Variants in DEPDC1B observed in about 807,000 individuals in gnomAD.
The protein encoded by DEPDC1B is DEP domain containing 1B.
In DEPDC1B, 51 loss-of-function variants were observed where a neutral mutation model predicts 66.5. The ratio of observed to expected loss-of-function variants is 0.77; its 90% CI spans 0.61 to 0.97. The LOEUF (loss-of-function observed/expected upper bound fraction) is 0.97. DEPDC1B is among the 50% of genes least tolerant of loss of function. The pLI is 0.00. For synonymous variants in DEPDC1B, 226 were observed against 223.6 expected (o/e 1.01, Z -0.10); for missense variants, 552 against 637.1 (o/e 0.87, Z 1.44).
chr5:60,606,481 A>G (rs1403148573), intron 7 of DEPDC1B, among the ~76,000 whole-genome samples: 1 of 152,016 alleles, frequency 6.6e-6, no homozygotes, highest in East Asian at 1.9e-4. Context: ...GCTAAAAGTT[A>G]GGATATTCTA....
chr5:60,676,163 C>T (rs970903768), intron 2 of DEPDC1B, among the ~76,000 whole-genome samples: 1 of 151,850 alleles, frequency 6.6e-6, no homozygotes, highest in African/African-American at 2.4e-5. Context: ...ATCTCCTGAC[C>T]TCGTGATCTG....
chr5:60,693,829 G>A (rs1318309154), intron 1 of DEPDC1B, among the ~76,000 whole-genome samples: 1 of 151,512 alleles, frequency 6.6e-6, no homozygotes, highest in Non-Finnish European at 1.5e-5. Flanking sequence ...TTAGATTGTT[G>A]TACCGAAAAG....
At chr5:60,629,499 C>T (rs563240433) in intron 7 of DEPDC1B, among the ~76,000 whole-genome samples, 1 of 152,306 alleles carries the variant, frequency 6.6e-6, no homozygotes, top group Admixed American at 6.5e-5. Flanking sequence ...CATCCAACTC[C>T]ACACTGATCA....
At chr5:60,661,740 G>A (rs1451544976) in intron 2 of DEPDC1B, among the ~76,000 whole-genome samples, 2 of 152,118 alleles carry the variant, frequency 1.3e-5, no homozygotes, top group Non-Finnish European at 2.9e-5. Context: ...GCGATCTCTG[G>A]TATCTCAGTC....
At chr5:60,636,318 C>A (rs1310848198) in intron 7 of DEPDC1B, among the ~76,000 whole-genome samples, 5 of 152,120 alleles carry the variant, frequency 3.3e-5, no homozygotes, top group African/African-American at 9.7e-5. Flanking sequence ...TTTAGATGTC[C>A]TATCTCATGT....
intron 1 of DEPDC1B, among the ~76,000 whole-genome samples, chr5:60,699,819 C>G (rs1754742828): frequency 6.6e-6 from 1 of 152,254 alleles, no homozygotes; most frequent in African/African-American, 2.4e-5. Context: ...CAGTCAACAT[C>G]TCATGGACAA....
intron 2 of DEPDC1B, among the ~76,000 whole-genome samples, chr5:60,660,750 G>A (rs901238032): frequency 3.3e-5 from 5 of 152,214 alleles, no homozygotes; most frequent in Non-Finnish European, 7.3e-5. Flanking sequence ...GAAAAAAGGT[G>A]ATTTAACACT....
chr5:60,597,991 A>G, intron 10 of DEPDC1B, 77 bp from the exon 11 acceptor site: 1 of 1,276,962 alleles, frequency 7.8e-7, no homozygotes, highest in Non-Finnish European at 1.1e-6. Context: ...AAATTTTAAG[A>G]GTTTCTGAGC....
rs751628734 is a variant in DEPDC1B at position 60,687,058 on chromosome 5, A to G, written c.218T>C (p.Val73Ala). Residue 73 changes from valine (V) to alanine (A), a missense_variant, in exon 2 of 11, where the codon GTC (valine) becomes GCC (alanine). By Grantham distance (64) the Val-to-Ala change is moderately conservative. Transcript: ENST00000265036. ...FGPEVTRKQT[V>A]QLLKKFLKNH... ...CTTCAGGAATTTTTTTAGCAGCTGGACCGTTTGTTTGCGGGTCACTTCAGG... is the reference window on the plus strand; with the variant it reads ...CTTCAGGAATTTTTTTAGCAGCTGGGCCGTTTGTTTGCGGGTCACTTCAGG... 1 of 1,614,184 alleles carries G rather than the reference A, an allele frequency of 6.2e-7. No individual in the cohort carries two copies. The highest frequency in any genetic ancestry group is 1.7e-5 in the Admixed American group (1 of 60,012).
At chr5:60,677,327 C>CACACA (rs1491208311) in intron 2 of DEPDC1B, among the ~76,000 whole-genome samples, 2 of 21,502 alleles carry the variant, frequency 9.3e-5, no homozygotes, top group African/African-American at 8.0e-4. Context: ...CACACACACA[C>CACACA]TCTCTCTCTC....
intron 2 of DEPDC1B, among the ~76,000 whole-genome samples, chr5:60,658,456 C>T (rs1216189302): frequency 1.3e-5 from 2 of 152,128 alleles, no homozygotes; most frequent in Non-Finnish European, 2.9e-5. Flanking sequence ...GGATCAAGGG[C>T]TATTGTTCAG....
chr5:60,603,442 C>T lies in DEPDC1B; in HGVS notation c.1191G>A (p.Leu397=). 6.2e-7 allele frequency: 1 copy of T among 1,612,326 alleles called. No individual in the cohort carries two copies. Residue 397 remains leucine, a synonymous_variant, in exon 9 of 11, where the codon TTG becomes TTA. Coordinates refer to ENST00000265036, the MANE Select transcript of DEPDC1B (RefSeq NM_018369.3). ...GCTCCTCTATAGAGGTCTGCAAGGC[C>T]AAAGGGACTTTCAGAATTTCCTGGT... The part of the protein sequence containing the change: ...DNYQEILKVP[L]ALQTSIEERV...
At chr5:60,685,770 C>T (rs1328145496) in intron 2 of DEPDC1B, among the ~76,000 whole-genome samples, 1 of 152,104 alleles carries the variant, frequency 6.6e-6, no homozygotes, top group Non-Finnish European at 1.5e-5. Context: ...TAAGAATTCC[C>T]AATAAAGTAT....
chr5:60,630,309 G>A (rs1752893635), intron 7 of DEPDC1B, among the ~76,000 whole-genome samples: 1 of 152,174 alleles, frequency 6.6e-6, no homozygotes, highest in African/African-American at 2.4e-5. Flanking sequence ...TCAGCTCCTT[G>A]CCCAGAGTAG....
At chr5:60,615,420 C>T (rs1012956431) in intron 7 of DEPDC1B, among the ~76,000 whole-genome samples, 4 of 152,210 alleles carry the variant, frequency 2.6e-5, no homozygotes, top group Non-Finnish European at 4.4e-5. Context: ...TGACAGACGG[C>T]ACCTGGAAAA....
intron 2 of DEPDC1B, among the ~76,000 whole-genome samples, chr5:60,662,643 A>T (rs879640629): frequency 1.3e-5 from 2 of 152,182 alleles, no homozygotes; most frequent in Admixed American, 1.3e-4. Flanking sequence ...AGGACACCTT[A>T]AAAAAGACTG....
intron 2 of DEPDC1B, among the ~76,000 whole-genome samples, chr5:60,675,199 C>G (rs1441322215): frequency 1.3e-5 from 2 of 151,104 alleles, no homozygotes; most frequent in African/African-American, 4.9e-5. Context: ...GGCCCTGCCT[C>G]CCACCAACAC....
chr5:60,691,298 C>T (rs1279782067), intron 1 of DEPDC1B, among the ~76,000 whole-genome samples: 1 of 152,150 alleles, frequency 6.6e-6, no homozygotes, highest in Non-Finnish European at 1.5e-5. Context: ...AGGTAATGCA[C>T]CCACCTCAGC....
intron 2 of DEPDC1B, among the ~76,000 whole-genome samples, chr5:60,652,089 T>C (rs1398016263): frequency 6.7e-6 from 1 of 149,404 alleles, no homozygotes; most frequent in African/African-American, 2.5e-5. Context: ...CAGGAATTTA[T>C]GCTGAGTGAG....
Sources: gnomAD v4.1 joint callset for allele counts (sites outside exome capture counted in the v4.1 genomes callset) on GRCh38, gnomAD v4.1.1 for gene constraint, MANE v1.5 for transcripts, NCBI Gene and HGNC (gene_info 2026-07-23, HGNC 2026-07-21) for gene names.